The following CCDC146 variants were observed in gnomAD, a reference collection of about 807,000 sequenced individuals.
CCDC146 encodes the protein coiled-coil domain containing 146, also known as coiled-coil domain-containing protein 146.
Under a neutral mutation model 119.3 loss-of-function variants are expected in CCDC146, and 92 were observed. The ratio of observed to expected loss-of-function variants is 0.77; its 90% CI spans 0.65 to 0.92. The LOEUF is 0.92. Ranked by LOEUF, CCDC146 falls within the 40% of genes least tolerant of loss-of-function variation. The probability of loss-of-function intolerance (pLI) is 0.00; values close to 1 mark genes in which losing one functional copy is unlikely to be tolerated. For synonymous variants in CCDC146, 372 were observed against 371.8 expected (o/e 1.00, Z -0.01); for missense variants, 1,000 against 1,103.0 (o/e 0.91, Z 1.32).
chr7:77,249,033 G>T (rs777225266), intron 4 of CCDC146, among the ~76,000 whole-genome samples: 5 of 152,116 alleles, frequency 3.3e-5, no homozygotes, highest in African/African-American at 4.8e-5. Context: ...GGATTATTGA[G>T]TTTGACTATG....
At chr7:77,287,938 C>T (rs2150554587) in intron 17 of CCDC146, among the ~76,000 whole-genome samples, 1 of 152,318 alleles carries the variant, frequency 6.6e-6, no homozygotes, top group East Asian at 1.9e-4. Flanking sequence ...TTAGTAGGGA[C>T]TGCTCCAATC....
chr7:77,226,312 AC>A (rs1792512965), intron 2 of CCDC146, among the ~76,000 whole-genome samples: 1 of 152,230 alleles, frequency 6.6e-6, no homozygotes, highest in Non-Finnish European at 1.5e-5. Context: ...AATGAAGCCA[AC>A]CCACTAGGTA....
intron 2 of CCDC146, among the ~76,000 whole-genome samples, chr7:77,234,252 CT>C (rs11286441): frequency 0.11 from 15,649 of 147,344 alleles, 2,015 homozygotes; most frequent in African/African-American, 0.3. Flanking sequence ...TTTGTAAAGG[CT>C]TTTTTTTTTT....
chr7:77,146,451 TATG>T, intron 1 of CCDC146, among the ~76,000 whole-genome samples: 1 of 152,272 alleles, frequency 6.6e-6, no homozygotes, highest in East Asian at 1.9e-4. Context: ...ATCCTGTCAT[TATG>T]ATGTTGGCTG....
intron 2 of CCDC146, among the ~76,000 whole-genome samples, chr7:77,188,271 T>C (rs1288650609): frequency 6.6e-6 from 1 of 152,136 alleles, no homozygotes; most frequent in Non-Finnish European, 1.5e-5. Flanking sequence ...TTATGCATTG[T>C]ATCCTCTATC....
intron 4 of CCDC146, among the ~76,000 whole-genome samples, chr7:77,251,244 A>T (rs963814030): frequency 1.3e-5 from 2 of 150,718 alleles, no homozygotes; most frequent in Non-Finnish European, 3.0e-5. Flanking sequence ...CTGGTCTTGA[A>T]CTCCTGACCT....
chr7:77,145,947 A>T (rs1791010479), intron 1 of CCDC146, among the ~76,000 whole-genome samples: 1 of 151,978 alleles, frequency 6.6e-6, no homozygotes, highest in African/African-American at 2.4e-5. Flanking sequence ...CTTGGTGCAG[A>T]GCTGAGTTCA....
intron 1 of CCDC146, among the ~76,000 whole-genome samples, chr7:77,124,338 G>C (rs1415201464): frequency 6.6e-6 from 1 of 152,188 alleles, no homozygotes; most frequent in African/African-American, 2.4e-5. Flanking sequence ...CTTAAAAACA[G>C]TATAATGAGT....
intron 2 of CCDC146, chr7:77,199,745 A>T (rs773524460): frequency 6.2e-7 from 1 of 1,613,984 alleles, no homozygotes; most frequent in Non-Finnish European, 8.5e-7. Flanking sequence ...AAAAAACCGT[A>T]AGTGGCAAGA....
intron 4 of CCDC146, among the ~76,000 whole-genome samples, chr7:77,247,901 G>T (rs1792984513): frequency 6.6e-6 from 1 of 152,098 alleles, no homozygotes; most frequent in South Asian, 2.1e-4. Flanking sequence ...ACTAAAAATA[G>T]AACTACTAAT....
intron 11 of CCDC146, among the ~76,000 whole-genome samples, chr7:77,278,530 C>T (rs1158784370): frequency 6.8e-6 from 1 of 148,064 alleles, no homozygotes; most frequent in Admixed American, 7.0e-5. Flanking sequence ...ACTGCAGCCT[C>T]GAATTCTTGG....
At position 77,241,760 on chromosome 7, in the gene CCDC146, G is replaced by A. The variant is rs764935627; in HGVS notation, c.309G>A (p.Gln103=). 7.9e-5 allele frequency: 128 copies of A among 1,613,934 alleles called. No individual in the cohort carries two copies. Among genetic ancestry groups the A allele is most frequent in the Non-Finnish European group, 1.0e-4 (123 of 1,180,048 alleles). ...TCACTGAGCAAATACAACAGCAGCA[G>A]TTTCACCTGCAGCAAGCTGATAATT... is the stretch of plus-strand genomic sequence containing the variant. ...KRFTEQIQQQ[Q]FHLQQADNFP... The change falls in exon 4 of 19, where the codon CAG becomes CAA. Residue 103 remains glutamine (Q), a synonymous_variant. Transcript: ENST00000285871.
intron 2 of CCDC146, chr7:77,199,701 T>C (rs1791949216): frequency 6.2e-7 from 1 of 1,614,066 alleles, no homozygotes; most frequent in Non-Finnish European, 8.5e-7. Context: ...CTCTTTCATC[T>C]TTAATTTCCT....
intron 16 of CCDC146, 191 bp downstream of exon 16, chr7:77,287,117 T>A: frequency 1.4e-6 from 1 of 704,014 alleles, no homozygotes; most frequent in African/African-American, 1.8e-5. Flanking sequence ...GAAGTTCCAA[T>A]CCAGTGGTTT....
chr7:77,147,837 A>C (rs562391109), intron 1 of CCDC146, among the ~76,000 whole-genome samples: 1 of 152,340 alleles, frequency 6.6e-6, no homozygotes, highest in South Asian at 2.1e-4. Flanking sequence ...GATGCCTCCC[A>C]ATTAGGCTAC....
At chr7:77,242,722 T>A (rs773398436) in intron 4 of CCDC146, among the ~76,000 whole-genome samples, 3 of 152,182 alleles carry the variant, frequency 2.0e-5, no homozygotes, top group Non-Finnish European at 4.4e-5. Context: ...CCATTTAAGG[T>A]GGCAGAACTT....
rs753308700 is a variant in CCDC146 at position 77,286,925 on chromosome 7, A to C, written c.2276A>C (p.Lys759Thr). 6.2e-7 allele frequency: 1 copy of C among 1,614,102 alleles called. No individual in the cohort carries two copies. The highest frequency in any genetic ancestry group is 8.5e-7 in the Non-Finnish European group (1 of 1,179,986). Residue 759 changes from lysine (K) to threonine (T), a missense_variant and splice_region_variant, in exon 16 of 19, where the codon AAG becomes ACG. Transcript: ENST00000285871. Reference sequence around the variant, plus strand: ...AAAGAAATGATCCAAAAATTAGACAAGGTAAACATTATTGCTTAAAATTGC... The same window carrying C: ...AAAGAAATGATCCAAAAATTAGACACGGTAAACATTATTGCTTAAAATTGC... The part of the protein sequence containing the change: ...TEKEMIQKLD[K>T]LELQLAKKEE...
intron 9 of CCDC146, among the ~76,000 whole-genome samples, chr7:77,272,810 C>T (rs555802456): frequency 2.0e-5 from 3 of 152,238 alleles, no homozygotes; most frequent in South Asian, 2.1e-4. Flanking sequence ...CCCTAAAGTA[C>T]GTCAACACAG....
intron 2 of CCDC146, among the ~76,000 whole-genome samples, chr7:77,168,132 A>G (rs1791365913): frequency 2.0e-5 from 3 of 152,190 alleles, no homozygotes; most frequent in Admixed American, 1.3e-4. Flanking sequence ...TTATTATTGC[A>G]TATACTACAT....
Sources: gnomAD v4.1 joint callset for allele counts (sites outside exome capture counted in the v4.1 genomes callset) on GRCh38, gnomAD v4.1.1 for gene constraint, MANE v1.5 for transcripts, NCBI Gene and HGNC (gene_info 2026-07-23, HGNC 2026-07-21) for gene names.